NFASC: variants seen among roughly 807,000 people sequenced by gnomAD.
NFASC encodes neurofascin.
Under a neutral mutation model 147.5 loss-of-function variants are expected in NFASC, and 43 were observed. The ratio of observed to expected loss-of-function variants is 0.29; its 90% confidence interval spans 0.23 to 0.38. The LOEUF is 0.38. Among genes scored for constraint, NFASC ranks in the 10% least tolerant of loss-of-function variants. The pLI, the probability that NFASC is intolerant of heterozygous loss-of-function variation, is 1.00. For synonymous variants in NFASC, 622 were observed against 665.5 expected (o/e 0.93, Z 1.01); for missense variants, 1,320 against 1,689.0 (o/e 0.78, Z 3.83).
intron 2 of NFASC, among the ~76,000 whole-genome samples, chr1:204,938,404 C>G (rs971352302): frequency 6.6e-6 from 1 of 152,184 alleles, no homozygotes; most frequent in Non-Finnish European, 1.5e-5. Context: ...CCATGCTTTA[C>G]CAAGTGTTTT....
chr1:204,957,804 T>A lies in NFASC; in HGVS notation c.684T>A (p.Pro228=). ...HFTHTIQQKN[P]FTLKVLTTRG... ...CCCACACCATCCAGCAGAAGAACCC[T>A]TTCACCCTCAAGGTCCTCACCAGTA... The change falls in exon 8 of 30, where the codon CCT becomes CCA. Residue 228 remains proline (P), a synonymous_variant. Coordinates refer to ENST00000339876, the MANE Select transcript of NFASC (RefSeq NM_001005388.3). 1 of 1,614,054 alleles carries A rather than the reference T, an allele frequency of 6.2e-7. No individual in the cohort carries two copies. The highest frequency in any genetic ancestry group is 8.5e-7 in the Non-Finnish European group (1 of 1,179,992).
intron 26 of NFASC, 55 bp downstream of exon 26, chr1:205,001,341 G>A (rs1157098036): frequency 5.3e-6 from 6 of 1,133,448 alleles, no homozygotes; most frequent in Admixed American, 1.9e-5. Context: ...CAGCAGCGGC[G>A]GGTAGTGGTA....
At chr1:204,830,110 C>T (rs1002004487) in intron 1 of NFASC, among the ~76,000 whole-genome samples, 4 of 151,758 alleles carry the variant, frequency 2.6e-5, no homozygotes, top group Non-Finnish European at 5.9e-5. Context: ...TTCTGCCTGC[C>T]TGTGTCCCTG....
chr1:205,020,856 C>A lies in NFASC; in HGVS notation c.*4317C>A, dbSNP rs1286803926. The A allele has an allele frequency of 1.3e-5, 2 of 152,218 alleles. No individual in the cohort carries two copies. Among genetic ancestry groups the A allele is most frequent in the African/African-American group, 4.8e-5 (2 of 41,432 alleles). 9.4% of individuals were successfully genotyped at this position (152,218 alleles called of 1,614,324 possible). On this transcript the variant is annotated 3_prime_UTR_variant, in exon 30 of 30. Coordinates refer to ENST00000339876, the MANE Select transcript of NFASC (RefSeq NM_001005388.3). ...AAGGCACCGCTCCCCACTCATGACA[C>A]CTTGGTGCAGAGTGACCTCCTGCCC...
intron 1 of NFASC, among the ~76,000 whole-genome samples, chr1:204,875,073 TTTGTTGTTGTTGTTGTTG>T (rs3046329): frequency 6.6e-6 from 1 of 150,738 alleles, no homozygotes; most frequent in East Asian, 2.0e-4. Flanking sequence ...GTGGGTCTGC[TTTGTTGTTGTTGTTGTTG>T]TTGTTGTTGT....
In NFASC at chr1:204,898,301, G is replaced by A. The variant is rs74916546; in HGVS notation, c.-199-22331G>A. Among the ~76,000 whole-genome samples, 1,297 of 152,170 alleles carry A rather than the reference G, an allele frequency of 8.5e-3. 32 individuals carry two copies. The highest frequency in any genetic ancestry group is 0.03 in the African/African-American group (1,237 of 41,516). On this transcript the variant is annotated intron_variant, in intron 1 of 29. Coordinates refer to ENST00000339876, the MANE Select transcript of NFASC (RefSeq NM_001005388.3). ...GATTTGAAGAACCTTATAATAATCT[G>A]GCTTAAATTTAAAAGATGATCAAAT...
At chr1:204,947,808 T>G (rs1287801698) in intron 3 of NFASC, among the ~76,000 whole-genome samples, 1 of 152,094 alleles carries the variant, frequency 6.6e-6, no homozygotes, top group Non-Finnish European at 1.5e-5. Context: ...CCTTCCCACC[T>G]TCATCACAAA....
intron 8 of NFASC, among the ~76,000 whole-genome samples, chr1:204,965,566 C>T (rs879356402): frequency 1.3e-5 from 2 of 152,194 alleles, no homozygotes; most frequent in Non-Finnish European, 2.9e-5. Context: ...CCCTCCTCAG[C>T]TTCTTTTTCT....
At chr1:204,911,921 G>A (rs887988916) in intron 1 of NFASC, among the ~76,000 whole-genome samples, 1 of 152,128 alleles carries the variant, frequency 6.6e-6, no homozygotes, top group Non-Finnish European at 1.5e-5. Flanking sequence ...GAGTTTTCAT[G>A]GTAGTTTCTT....
rs762361484 is a variant in NFASC, at chr1:204,968,386, C to G, written c.818+26C>G. 1 of 1,547,800 alleles carries G rather than the reference C, an allele frequency of 6.5e-7. No homozygotes were observed. Among genetic ancestry groups the G allele is most frequent in the Non-Finnish European group, 8.9e-7 (1 of 1,119,684 alleles). Reference sequence around the variant, plus strand: ...GTATGTGCGGTTTGCAGCCCCTCTTCTAGCCACCCTCCAGGAGGATGGGGA... The same window carrying G: ...GTATGTGCGGTTTGCAGCCCCTCTTGTAGCCACCCTCCAGGAGGATGGGGA... On this transcript the variant is annotated intron_variant, in intron 9 of 29. Transcript: ENST00000339876. This position sits in a 1 kb window ranked among gnomAD's most constrained non-coding sequence, Gnocchi z 5.4.
At chr1:204,988,839 G>A (rs543390054) in intron 23 of NFASC, 33 bp downstream of exon 23, 1 of 1,603,120 alleles carries the variant, frequency 6.2e-7, no homozygotes, top group Non-Finnish European at 8.5e-7. Flanking sequence ...TGGGGTAAAA[G>A]GTCCCAGCTA....
intron 1 of NFASC, among the ~76,000 whole-genome samples, chr1:204,839,719 G>A (rs1674757779): frequency 6.6e-6 from 1 of 152,230 alleles, no homozygotes; most frequent in Admixed American, 6.5e-5. Context: ...CATTGGGGAA[G>A]AGGGCTGTGG....
intron 1 of NFASC, among the ~76,000 whole-genome samples, chr1:204,905,146 G>A (rs966592320): frequency 1.3e-5 from 2 of 152,094 alleles, no homozygotes; most frequent in Non-Finnish European, 2.9e-5. Flanking sequence ...GTGCAGTGGT[G>A]CAGTCATAGT....
intron 3 of NFASC, chr1:204,946,775 GA>G: frequency 1.9e-6 from 1 of 517,034 alleles, no homozygotes. Flanking sequence ...AACCCTTCCC[GA>G]GGCCCCCACC....
At chr1:204,896,087 A>G (rs919863477) in intron 1 of NFASC, among the ~76,000 whole-genome samples, 3 of 152,224 alleles carry the variant, frequency 2.0e-5, no homozygotes, top group Admixed American at 6.5e-5. Context: ...AAGAGATGGC[A>G]TGGAGAAGGC....
intron 11 of NFASC, among the ~76,000 whole-genome samples, chr1:204,971,077 C>A (rs375230834): frequency 6.6e-6 from 1 of 152,162 alleles, no homozygotes; most frequent in African/African-American, 2.4e-5. Context: ...GTGGCTGCAT[C>A]TCTGGGTGGT....
chr1:204,843,014 T>C (rs1209754432), intron 1 of NFASC, among the ~76,000 whole-genome samples: 1 of 152,212 alleles, frequency 6.6e-6, no homozygotes, highest in Non-Finnish European at 1.5e-5. Context: ...GCTGGCTCCA[T>C]TCTGAGTCAG....
chr1:204,949,599 C>T (rs1263738286), intron 3 of NFASC, among the ~76,000 whole-genome samples: 3 of 152,246 alleles, frequency 2.0e-5, no homozygotes, highest in Non-Finnish European at 4.4e-5. Context: ...ACCTTGTCCC[C>T]ACAAAAAGCA....
intron 1 of NFASC, among the ~76,000 whole-genome samples, chr1:204,891,399 T>A (rs902805429): frequency 4.6e-5 from 7 of 152,154 alleles, no homozygotes; most frequent in Non-Finnish European, 1.0e-4. Flanking sequence ...AAACCATGGG[T>A]CATTAATTCC....
Sources: allele counts gnomAD v4.1 joint callset (sites outside exome capture counted in the v4.1 genomes callset), GRCh38; gene constraint gnomAD v4.1.1; non-coding constraint Gnocchi (gnomAD v3.1); transcripts MANE v1.5; gene names NCBI Gene and HGNC (gene_info 2026-07-23, HGNC 2026-07-21).